WDR20: variants seen among roughly 807,000 people sequenced by gnomAD.
WDR20 encodes WD repeat-containing protein 20.
In WDR20, 3 loss-of-function variants were observed where a neutral mutation model predicts 38.7. The ratio of observed to expected loss-of-function variants is 0.08; its 90% CI spans 0.04 to 0.20. The LOEUF is 0.20. WDR20 is among the 10% of genes least tolerant of loss of function. The pLI is 1.00. For missense variants in WDR20, 559 were observed against 727.7 expected, an observed-to-expected ratio of 0.77 and a Z score of 2.67; for synonymous variants, 298 against 285.6, an observed-to-expected ratio of 1.04 and a Z score of -0.44.
rs146369239 is a variant in WDR20, at chr14:102,169,139, G to A, written c.250-25799G>A. Among the ~76,000 whole-genome samples the A allele has an allele frequency of 1.1e-3, 164 of 150,678 alleles. 2 individuals are homozygous for A. The East Asian group carries it at 0.03, about 28-fold the overall frequency. ...ATGAAGAGCAGCTGCACCCCTCCCC[G>A]TCCCACCCGTGGAGCCAATGGTACA... On this transcript the variant is annotated intron_variant, in intron 1 of 2. Transcript: ENST00000342702.
chr14:102,188,288 C>T (rs1250344014), intron 1 of WDR20, among the ~76,000 whole-genome samples: 2 of 152,182 alleles, frequency 1.3e-5, no homozygotes, highest in East Asian at 3.9e-4. Flanking sequence ...CCAAAGCCCC[C>T]TACTGAGGCC....
At chr14:102,174,712 C>T (rs1435169111) in intron 1 of WDR20, among the ~76,000 whole-genome samples, 1 of 152,130 alleles carries the variant, frequency 6.6e-6, no homozygotes, top group Non-Finnish European at 1.5e-5. Context: ...AGCCACCATG[C>T]CCAGCATTTT....
intron 1 of WDR20, chr14:102,193,352 TG>T: frequency 8.8e-7 from 1 of 1,142,354 alleles, no homozygotes; most frequent in Non-Finnish European, 1.3e-6. Flanking sequence ...TCCCCTCCAC[TG>T]GCCGCTTTTC....
In WDR20 at chr14:102,209,349, CCT is replaced by C; in HGVS notation, c.1183_1184del (p.Ser395LysfsTer73). The C allele has an allele frequency of 6.2e-7, 1 of 1,614,160 alleles. No individual in the cohort carries two copies. The highest frequency in any genetic ancestry group is 2.2e-5 in the East Asian group (1 of 44,882). On this transcript the variant is annotated frameshift_variant, in exon 3 of 3. Transcript: ENST00000342702. LOFTEE classifies it high-confidence loss of function. The surrounding 1 kb of genome is among the most constrained non-coding windows in gnomAD (Gnocchi z 6.0). ...AAGATATCCTTTTCCCTCACCAACC[CCT>C]CTCAAGAGCAAGGACACACACAAAT... is the stretch of plus-strand genomic sequence containing the variant. The part of the protein sequence containing the change: ...TEDILFPHQP[L>X]SRARTHTNVM...
At position 102,188,017 on chromosome 14, in the gene WDR20, T is replaced by C. The variant is rs1406638842; in HGVS notation, c.250-6921T>C. On this transcript the variant is annotated intron_variant, in intron 1 of 2. Coordinates refer to ENST00000342702, the MANE Select transcript of WDR20 (RefSeq NM_144574.4). ...AGACTCTGCAAGACCGGTTCTCTCT[T>C]AGGTGATTCTCAGGTGGGGATGGGG... Among the ~76,000 whole-genome samples, 3 of 152,194 alleles carry C rather than the reference T, an allele frequency of 2.0e-5. No homozygotes were observed. In the East Asian group the frequency reaches 5.8e-4, roughly 29 times the overall value.
At chr14:102,163,132 G>A (rs2059097867) in intron 1 of WDR20, among the ~76,000 whole-genome samples, 1 of 152,140 alleles carries the variant, frequency 6.6e-6, no homozygotes, top group Non-Finnish European at 1.5e-5. Context: ...CTGCCCTTAC[G>A]AATGGATTAA....
rs2063714263 is a variant in WDR20, at chr14:102,220,065, C to T, written c.1693-2765C>T. 6.6e-6 allele frequency among the ~76,000 whole-genome samples: 1 copy of T among 152,232 alleles called. No individual in the cohort carries two copies. The highest frequency in any genetic ancestry group is 1.5e-5 in the Non-Finnish European group (1 of 68,034). ...GAAGCCTGCAGCCCTCGCGTTGGGT[C>T]GCTTTCTAGGGGTGCGGCTTTGTAG... On this transcript the variant is annotated intron_variant, in intron 3 of 3. Coordinates refer to the WDR20 transcript ENST00000335263. The surrounding 1 kb of genome is among the most constrained non-coding windows in gnomAD (Gnocchi z 4.2).
chr14:102,187,231 G>C lies in WDR20; in HGVS notation c.250-7707G>C, dbSNP rs942869713. ...GATGTTACTCAGACTGCTCCAGCTA[G>C]TTTTGATTAATTCATTCAGGCTGTC... On this transcript the variant is annotated intron_variant, in intron 1 of 2. Coordinates refer to ENST00000342702, the MANE Select transcript of WDR20 (RefSeq NM_144574.4). 2.0e-5 allele frequency among the ~76,000 whole-genome samples: 3 copies of C among 152,218 alleles called. No homozygotes were observed. The South Asian group carries it at 6.2e-4, about 32-fold the overall frequency.
At chr14:102,160,759 G>C (rs1404980184) in intron 1 of WDR20, among the ~76,000 whole-genome samples, 1 of 151,502 alleles carries the variant, frequency 6.6e-6, no homozygotes, top group South Asian at 2.1e-4. Flanking sequence ...TGGCTAACAC[G>C]GTGAAACCCC....
intron 1 of WDR20, among the ~76,000 whole-genome samples, chr14:102,148,487 C>T (rs1207243466): frequency 6.7e-6 from 1 of 149,710 alleles, no homozygotes; most frequent in Non-Finnish European, 1.5e-5. Context: ...CTGCAGTGAG[C>T]GGAAATTGTG....
chr14:102,174,022 C>T (rs1243340370), intron 1 of WDR20, among the ~76,000 whole-genome samples: 3 of 140,096 alleles, frequency 2.1e-5, no homozygotes, highest in Admixed American at 7.5e-5. Flanking sequence ...CCAGCCTGGG[C>T]AACAGAGTGA....
At chr14:102,217,018 G>A (rs1337302629), downstream of WDR20, among the ~76,000 whole-genome samples, 22 of 152,210 alleles carry the variant, frequency 1.4e-4, no homozygotes. Flanking sequence ...GAGACGAATG[G>A]ACCATCTAGA....
intron 1 of WDR20, among the ~76,000 whole-genome samples, chr14:102,170,021 T>C (rs1003920365): frequency 1.3e-5 from 2 of 152,208 alleles, no homozygotes; most frequent in Non-Finnish European, 2.9e-5. Flanking sequence ...ATTAAGTTCT[T>C]GTATGTATTT....
At chr14:102,206,397 G>A (rs1484399651) in intron 2 of WDR20, among the ~76,000 whole-genome samples, 1 of 152,192 alleles carries the variant, frequency 6.6e-6, no homozygotes, top group Non-Finnish European at 1.5e-5. Context: ...CTATTGCAAA[G>A]CAATACTGTT....
intron 1 of WDR20, among the ~76,000 whole-genome samples, chr14:102,151,644 C>T (rs1471899016): frequency 6.6e-6 from 1 of 152,074 alleles, no homozygotes; most frequent in Non-Finnish European, 1.5e-5. Context: ...CTTCCTTGGC[C>T]TCCCAAAATG....
chr14:102,152,353 C>T (rs916057419), intron 1 of WDR20, among the ~76,000 whole-genome samples: 2 of 151,634 alleles, frequency 1.3e-5, no homozygotes, highest in Non-Finnish European at 2.9e-5. Flanking sequence ...ACATATTAAT[C>T]ATGTTAATAA....
intron 1 of WDR20, among the ~76,000 whole-genome samples, chr14:102,165,446 T>C (rs768936420): frequency 1.3e-5 from 2 of 152,198 alleles, no homozygotes; most frequent in African/African-American, 2.4e-5. Flanking sequence ...GTTCTTTTTC[T>C]AGCTTACTGA....
In WDR20 at chr14:102,221,561, C is replaced by T. The variant is rs530977899; in HGVS notation, c.1693-1269C>T. Among the ~76,000 whole-genome samples the T allele has an allele frequency of 6.6e-6, 1 of 152,234 alleles. No homozygotes were observed. Among genetic ancestry groups the T allele is most frequent in the East Asian group, 1.9e-4 (1 of 5,172 alleles). ...CAGGGTTCTGTCCCTTTTCAGGGGT[C>T]CCAGAGGAAAAGCACTCCTATAGAC... is the stretch of plus-strand genomic sequence containing the variant. On this transcript the variant is annotated intron_variant, in intron 3 of 3. Coordinates refer to the WDR20 transcript ENST00000335263. The surrounding 1 kb of genome is among the most constrained non-coding windows in gnomAD (Gnocchi z 4.8).
intron 1 of WDR20, 59 bp from the exon 2 acceptor site, chr14:102,194,879 C>T (rs1298510216): frequency 2.0e-6 from 3 of 1,525,240 alleles, no homozygotes; most frequent in Non-Finnish European, 1.8e-6. Context: ...AGTAGCATAA[C>T]TTAGATTTCT....
Sources: allele counts gnomAD v4.1 joint callset (sites outside exome capture counted in the v4.1 genomes callset), GRCh38; gene constraint gnomAD v4.1.1; non-coding constraint Gnocchi (gnomAD v3.1); transcripts MANE v1.5; gene names NCBI Gene and HGNC (gene_info 2026-07-23, HGNC 2026-07-21).